The following MCM6 variants were observed in gnomAD, a reference collection of about 807,000 sequenced individuals.
MCM6 encodes the protein minichromosome maintenance complex component 6.
In MCM6, 46 loss-of-function variants were observed where a neutral mutation model predicts 94.3. The observed-to-expected ratio is 0.49, with a 90% confidence interval of 0.39 to 0.62. The LOEUF is 0.62. MCM6 is among the 20% of genes least tolerant of loss of function. The probability of loss-of-function intolerance (pLI) is 0.00; values close to 1 mark genes in which losing one functional copy is unlikely to be tolerated. For missense variants in MCM6, 865 were observed against 1,017.9 expected (o/e 0.85, Z 2.04); for synonymous variants, 335 against 351.9 (o/e 0.95, Z 0.54).
chr2:135,844,585 T>C lies in MCM6; in HGVS notation c.2309A>G (p.Lys770Arg). Residue 770 changes from lysine to arginine, a missense_variant, in exon 16 of 17, where the codon AAA (lysine) becomes AGA (arginine). By Grantham distance (26) the Lys-to-Arg change is conservative. Coordinates refer to ENST00000264156, the MANE Select transcript of MCM6 (RefSeq NM_005915.6). ...ATGAATAACTTTCTCTATGATTCTT[T>C]TTTTATTTATAAGTTCTTCTTCAGA... ...IDSEEELINK[K>R]RIIEKVIHRL... 1 of 1,580,414 alleles carries C rather than the reference T, an allele frequency of 6.3e-7. No homozygotes were observed. The highest frequency in any genetic ancestry group is 8.6e-7 in the Non-Finnish European group (1 of 1,165,732).
At chr2:135,854,095 C>A (rs1199691263) in intron 11 of MCM6, among the ~76,000 whole-genome samples, 2 of 152,114 alleles carry the variant, frequency 1.3e-5, no homozygotes, top group Non-Finnish European at 2.9e-5. Flanking sequence ...GGCATGGGGG[C>A]CTGCACCTGT....
In MCM6 at chr2:135,868,646, C is replaced by G. The variant is rs766594419; in HGVS notation, c.580G>C (p.Asp194His). 5 of 1,613,906 alleles carry G rather than the reference C, an allele frequency of 3.1e-6. No individual in the cohort carries two copies. In the African/African-American group the frequency reaches 6.7e-5, roughly 22 times the overall value. The change falls in exon 4 of 17, where the codon GAT becomes CAT. Residue 194 changes from aspartate to histidine, a missense_variant. Transcript: ENST00000264156. ...TCAACAAATCTTGATTTATTTGTAT[C>G]CAGTAAGAATCTCCTCCTGTTGGCA... ...VCANRRRFLL[D>H]TNKSRFVDFQ...
chr2:135,867,278 A>G (rs1483351375), intron 4 of MCM6, among the ~76,000 whole-genome samples: 1 of 152,220 alleles, frequency 6.6e-6, no homozygotes, highest in East Asian at 1.9e-4. Flanking sequence ...CAAGATAATT[A>G]AACAATATTT....
intron 7 of MCM6, among the ~76,000 whole-genome samples, chr2:135,864,245 A>G (rs145316321): frequency 6.6e-6 from 1 of 152,230 alleles, no homozygotes; most frequent in Admixed American, 6.5e-5. Flanking sequence ...CCTTCAAAAC[A>G]CAGCTTGCAA....
At chr2:135,857,067 C>A (rs1679904993) in intron 10 of MCM6, among the ~76,000 whole-genome samples, 184 bp from the exon 11 acceptor site, 1 of 152,140 alleles carries the variant, frequency 6.6e-6, no homozygotes, top group South Asian at 2.1e-4. Flanking sequence ...TTGAAGACAT[C>A]AATTTGTTAG....
intron 2 of MCM6, 118 bp from the exon 3 acceptor site, chr2:135,870,479 C>G: frequency 5.7e-6 from 4 of 707,154 alleles, no homozygotes; most frequent in Admixed American, 2.3e-5. Flanking sequence ...AACCTTAGAA[C>G]TTAACTGTGT....
intron 13 of MCM6, among the ~76,000 whole-genome samples, chr2:135,849,689 G>A (rs1429299577): frequency 6.6e-6 from 1 of 152,120 alleles, no homozygotes; most frequent in East Asian, 1.9e-4. Flanking sequence ...GAACAGAATG[G>A]AAAGTCCAAA....
intron 1 of MCM6, among the ~76,000 whole-genome samples, chr2:135,873,222 C>T (rs1680236615): frequency 1.3e-5 from 2 of 152,168 alleles, no homozygotes; most frequent in African/African-American, 4.8e-5. Context: ...CTCCTCCTTG[C>T]CTTCCACCAT....
At chr2:135,847,562 C>T (rs1679692450) in intron 14 of MCM6, among the ~76,000 whole-genome samples, 1 of 151,954 alleles carries the variant, frequency 6.6e-6, no homozygotes, top group Non-Finnish European at 1.5e-5. Context: ...TTTAGTCTTT[C>T]AAATATCTAT....
At chr2:135,866,492 A>G in intron 5 of MCM6, 71 bp downstream of exon 5, 9 of 1,496,270 alleles carry the variant, frequency 6.0e-6, no homozygotes, top group Non-Finnish European at 8.1e-6. Flanking sequence ...GACAATGAAG[A>G]TGTGGGAAGC....
chr2:135,848,279 G>T (rs1679708062), intron 13 of MCM6, 91 bp from the exon 14 acceptor site: 2 of 914,076 alleles, frequency 2.2e-6, no homozygotes, highest in Non-Finnish European at 3.4e-6. Flanking sequence ...ATGTATTTTG[G>T]TTTTCTCACA....
intron 16 of MCM6, among the ~76,000 whole-genome samples, chr2:135,841,675 G>C (rs1679575700): frequency 6.6e-6 from 1 of 152,196 alleles, no homozygotes; most frequent in African/African-American, 2.4e-5. Flanking sequence ...ATCTACCCCT[G>C]AAGTTAGATT....
intron 14 of MCM6, among the ~76,000 whole-genome samples, chr2:135,846,766 G>C (rs1274501973): frequency 6.6e-6 from 1 of 152,182 alleles, no homozygotes; most frequent in Non-Finnish European, 1.5e-5. Flanking sequence ...CACTTTGCAA[G>C]GCCAAGGGAA....
At chr2:135,844,735 C>G (rs910109045) in intron 15 of MCM6, 51 bp from the exon 16 acceptor site, 3 of 1,473,980 alleles carry the variant, frequency 2.0e-6, no homozygotes, top group Non-Finnish European at 2.7e-6. Context: ...TACTGTCAGT[C>G]CTTGGGTAAA....
chr2:135,845,044 A>G (rs1679645122), intron 15 of MCM6, among the ~76,000 whole-genome samples: 1 of 152,240 alleles, frequency 6.6e-6, no homozygotes, highest in East Asian at 1.9e-4. Flanking sequence ...AGCATAAATT[A>G]GGAATGAAGC....
At chr2:135,872,660 C>A (rs200558059) in intron 2 of MCM6, 37 bp downstream of exon 2, 1 of 1,604,864 alleles carries the variant, frequency 6.2e-7, no homozygotes. Context: ...CGGATTTCAA[C>A]CCCTATTCAA....
rs114131209 is a variant in MCM6, at chr2:135,871,490, C to T, written c.255-1129G>A. On this transcript the variant is annotated intron_variant, in intron 2 of 16. Transcript: ENST00000264156. Reference sequence around the variant, plus strand: ...ATGAACGAGACTGTGCCTCCTTATCCCTGGGTTTTCATTTATCTTTCACAA... The same window carrying T: ...ATGAACGAGACTGTGCCTCCTTATCTCTGGGTTTTCATTTATCTTTCACAA... Among the ~76,000 whole-genome samples, 466 of 152,280 alleles carry T rather than the reference C, an allele frequency of 3.1e-3. 2 individuals are homozygous for T. The highest frequency in any genetic ancestry group is 0.011 in the African/African-American group (451 of 41,544).
Position 135,844,673 on chromosome 2 carries a change from A to G in MCM6, c.2221T>C (p.Ser741Pro). Residue 741 changes from serine (S) to proline (P), a missense_variant, in exon 16 of 17, where the codon TCA (serine) becomes CCA (proline). This residue lies in a region of MCM6 where 308 missense variants were observed against 324.5 expected (regional missense o/e 0.95). Coordinates refer to ENST00000264156, the MANE Select transcript of MCM6 (RefSeq NM_005915.6). ...LRKVEEEEDE[S>P]ALKRSELVNW... ...ACAAGCTCGCTCCTCTTTAATGCTG[A>G]CTCGTCCTCTTCTGCAACAAAAAAA... 1 of 1,566,764 alleles carries G rather than the reference A, an allele frequency of 6.4e-7. No individual in the cohort carries two copies. Among genetic ancestry groups the G allele is most frequent in the Admixed American group, 1.9e-5 (1 of 51,428 alleles).
At position 135,857,751 on chromosome 2, in the gene MCM6, A is replaced by G. The variant is rs963000356; in HGVS notation, c.1470+146T>C. Reference sequence around the variant, plus strand: ...TCTAAACAACATTTATAGTTTCAATAAATAATTCTCAGGGCTGTATTTTCC... The same window carrying G: ...TCTAAACAACATTTATAGTTTCAATGAATAATTCTCAGGGCTGTATTTTCC... On this transcript the variant is annotated intron_variant, in intron 10 of 16. Coordinates refer to ENST00000264156, the MANE Select transcript of MCM6 (RefSeq NM_005915.6). 1.5e-5 allele frequency: 9 copies of G among 613,540 alleles called. No individual in the cohort carries two copies. In the African/African-American group the frequency reaches 1.5e-4, roughly 10 times the overall value. 38.0% of individuals were successfully genotyped at this position (613,540 alleles called of 1,614,324 possible).
Sources: allele counts gnomAD v4.1 joint callset (sites outside exome capture counted in the v4.1 genomes callset), GRCh38; gene constraint gnomAD v4.1.1; regional missense constraint gnomAD v4.1.1; transcripts MANE v1.5; gene names NCBI Gene and HGNC (gene_info 2026-07-23, HGNC 2026-07-21).